RHOU: variants seen among roughly 807,000 people sequenced by gnomAD.
RHOU encodes the protein ras homolog family member U.
A neutral mutation model predicts 12.6 loss-of-function variants in RHOU; 8 were observed. The observed-to-expected ratio is 0.64, with a 90% confidence interval of 0.37 to 1.15. The LOEUF is 1.15. Ranked by LOEUF, RHOU falls within the 50% of genes most tolerant of loss-of-function variation. The pLI, the probability that RHOU is intolerant of heterozygous loss-of-function variation, is 0.01. For missense variants in RHOU, 258 were observed against 347.0 expected (o/e 0.74, Z 2.04); for synonymous variants, 161 against 147.4 (o/e 1.09, Z -0.67).
chr1:228,688,046 C>A, the RHOU span, among the ~76,000 whole-genome samples: 1 of 151,070 alleles, frequency 6.6e-6, no homozygotes, highest in Admixed American at 6.6e-5. Flanking sequence ...CCTCACCCCA[C>A]AAAATGTGAG....
chr1:228,707,531 C>A, the RHOU span, among the ~76,000 whole-genome samples: 3 of 151,624 alleles, frequency 2.0e-5, no homozygotes, highest in Non-Finnish European at 4.4e-5. Flanking sequence ...CTGGGAGGCA[C>A]CCCCCAGCAG....
chr1:228,663,047 T>C, the RHOU span, among the ~76,000 whole-genome samples: 1 of 152,220 alleles, frequency 6.6e-6, no homozygotes, highest in Non-Finnish European at 1.5e-5. Flanking sequence ...TTTTTGTATA[T>C]GGTTTTAACT....
chr1:228,695,006 A>C, the RHOU span, among the ~76,000 whole-genome samples: 1 of 152,154 alleles, frequency 6.6e-6, no homozygotes, highest in Admixed American at 6.6e-5. Context: ...GTATCACTTT[A>C]TCATCCAGGC....
At chr1:228,647,470 G>A in the RHOU span, among the ~76,000 whole-genome samples, 1,660 of 152,344 alleles carry the variant, frequency 0.011, 22 homozygotes, top group African/African-American at 0.038. Flanking sequence ...CTGTTTTCCT[G>A]GTGGTTGGCG....
At chr1:228,649,270 TC>T in the RHOU span, among the ~76,000 whole-genome samples, 3 of 152,240 alleles carry the variant, frequency 2.0e-5, no homozygotes, top group African/African-American at 7.2e-5. Context: ...GGGCACACAC[TC>T]TTCCTTTGTC....
At chr1:228,715,624 C>G in the RHOU span, among the ~76,000 whole-genome samples, 2 of 152,178 alleles carry the variant, frequency 1.3e-5, no homozygotes, top group East Asian at 3.9e-4. Context: ...TTTCTATTGT[C>G]AGGCTGAAAA....
the RHOU span, among the ~76,000 whole-genome samples, chr1:228,704,229 A>G: frequency 6.6e-6 from 1 of 152,168 alleles, no homozygotes; most frequent in Non-Finnish European, 1.5e-5. Flanking sequence ...ACACATATAG[A>G]CTGATGTCTC....
the RHOU span, among the ~76,000 whole-genome samples, chr1:228,691,327 G>A: frequency 6.6e-6 from 1 of 152,090 alleles, no homozygotes; most frequent in African/African-American, 2.4e-5. Flanking sequence ...TGACAAATGT[G>A]TAAGGACATG....
chr1:228,683,372 G>A, the RHOU span, among the ~76,000 whole-genome samples: 1 of 152,290 alleles, frequency 6.6e-6, no homozygotes, highest in South Asian at 2.1e-4. Context: ...TTATTTGGTG[G>A]TACTATTGTG....
chr1:228,647,581 C>T, the RHOU span, among the ~76,000 whole-genome samples: 3 of 152,212 alleles, frequency 2.0e-5, no homozygotes, highest in South Asian at 2.1e-4. Flanking sequence ...CCCCTTCCCC[C>T]GGTTTATAAG....
upstream of RHOU, among the ~76,000 whole-genome samples, chr1:228,731,369 A>G (rs977894042): frequency 6.6e-6 from 1 of 152,172 alleles, no homozygotes; most frequent in Non-Finnish European, 1.5e-5. Flanking sequence ...GTTAGTTCTG[A>G]GCATTTTAGA....
chr1:228,701,326 G>T, the RHOU span, among the ~76,000 whole-genome samples: 1 of 152,060 alleles, frequency 6.6e-6, no homozygotes, highest in East Asian at 1.9e-4. Flanking sequence ...GTTTTAAAAA[G>T]CAAAAACTTT....
At chr1:228,713,376 T>C in the RHOU span, among the ~76,000 whole-genome samples, 1 of 152,210 alleles carries the variant, frequency 6.6e-6, no homozygotes, top group African/African-American at 2.4e-5. Context: ...GATAGCTGAA[T>C]ATGTGGCGGT....
At chr1:228,713,989 A>G in the RHOU span, among the ~76,000 whole-genome samples, 1 of 152,168 alleles carries the variant, frequency 6.6e-6, no homozygotes, top group African/African-American at 2.4e-5. Flanking sequence ...GTGGAGGAAG[A>G]CCAGTTTGAG....
At chr1:228,683,586 C>A in the RHOU span, among the ~76,000 whole-genome samples, 7 of 151,984 alleles carry the variant, frequency 4.6e-5, no homozygotes, top group Non-Finnish European at 1.0e-4. Flanking sequence ...AGAAAAAACC[C>A]CCACAAAATC....
chr1:228,672,117 G>A, the RHOU span, among the ~76,000 whole-genome samples: 27 of 152,304 alleles, frequency 1.8e-4, no homozygotes, highest in African/African-American at 5.8e-4. Flanking sequence ...AGAAAACAGA[G>A]CAAAAAATCT....
At chr1:228,726,109 T>C in the RHOU span, among the ~76,000 whole-genome samples, 2 of 152,224 alleles carry the variant, frequency 1.3e-5, no homozygotes, top group Non-Finnish European at 2.9e-5. Flanking sequence ...TTATTATTTA[T>C]GCACACTGTT....
the RHOU span, among the ~76,000 whole-genome samples, chr1:228,717,594 A>G: frequency 6.6e-6 from 1 of 152,254 alleles, no homozygotes; most frequent in African/African-American, 2.4e-5. Context: ...CCTCATCATT[A>G]CAAAACATCA....
At chr1:228,665,531 T>C in the RHOU span, among the ~76,000 whole-genome samples, 19 of 152,202 alleles carry the variant, frequency 1.2e-4, no homozygotes, top group African/African-American at 4.6e-4. Context: ...CAGGTATCTT[T>C]GGTAGAGTGG....
Sources: gnomAD v4.1 joint callset for allele counts (sites outside exome capture counted in the v4.1 genomes callset) on GRCh38, gnomAD v4.1.1 for gene constraint, MANE v1.5 for transcripts, NCBI Gene and HGNC (gene_info 2026-07-23, HGNC 2026-07-21) for gene names.